TRHDE: variants seen among roughly 807,000 people sequenced by gnomAD.
The protein encoded by TRHDE is thyrotropin-releasing hormone-degrading ectoenzyme.
Under a neutral mutation model 125.7 loss-of-function variants are expected in TRHDE, and 72 were observed. That is an observed-to-expected ratio of 0.57 (90% CI 0.47 to 0.70). The LOEUF is 0.70. TRHDE is among the 30% of genes least tolerant of loss of function. TRHDE has a pLI of 0.00. For synonymous variants in TRHDE, 509 were observed against 509.1 expected (o/e 1.00, Z 0.00); for missense variants, 1,110 against 1,327.1 (o/e 0.84, Z 2.54).
chr12:72,163,438 A>G (rs1186511733), intron 2 of TRHDE, among the ~76,000 whole-genome samples: 18 of 152,224 alleles, frequency 1.2e-4, no homozygotes, highest in Non-Finnish European at 1.6e-4. Context: ...TCAGGCAACA[A>G]TTGCAATGTC....
chr12:72,092,972 T>C (rs1168000262), intron 1 of TRHDE, among the ~76,000 whole-genome samples: 2 of 152,222 alleles, frequency 1.3e-5, no homozygotes. Context: ...GGCTTTGAGA[T>C]TTATTAACCT....
At chr12:72,276,891 A>G (rs1047290439) in intron 1 of TRHDE, among the ~76,000 whole-genome samples, 5 of 152,220 alleles carry the variant, frequency 3.3e-5, no homozygotes, top group African/African-American at 1.2e-4. Context: ...CTCCGACAAA[A>G]GAGTATGCTT....
chr12:72,098,100 C>T (rs1874977932), intron 1 of TRHDE, among the ~76,000 whole-genome samples: 3 of 151,952 alleles, frequency 2.0e-5, no homozygotes, highest in African/African-American at 4.8e-5. Context: ...CCGGGCTTGT[C>T]TCAAACTCCT....
chr12:72,474,626 C>T (rs1005147590), intron 5 of TRHDE, among the ~76,000 whole-genome samples: 16 of 152,192 alleles, frequency 1.1e-4, no homozygotes, highest in African/African-American at 3.9e-4. Context: ...ATAGTATTCT[C>T]TTGCGTGTAT....
At chr12:72,382,632 C>A (rs1872237979) in intron 3 of TRHDE, among the ~76,000 whole-genome samples, 2 of 152,094 alleles carry the variant, frequency 1.3e-5, no homozygotes, top group South Asian at 4.1e-4. Flanking sequence ...AGACTCTCTA[C>A]CAGTTGGCCT....
intron 1 of TRHDE, among the ~76,000 whole-genome samples, chr12:72,098,616 C>T (rs1321302764): frequency 1.3e-5 from 2 of 152,172 alleles, no homozygotes; most frequent in African/African-American, 2.4e-5. Flanking sequence ...ATAGTCTAGG[C>T]TTCAAAAGGC....
Position 72,407,818 on chromosome 12 carries a change from C to T in TRHDE, c.1315+29697C>T, listed in dbSNP as rs186139548. ...GCACATTTCTTATAGATCTGGGAACCCCAAGGAATGAGAAGTAATTAGAAG... is the reference window on the plus strand; with the variant it reads ...GCACATTTCTTATAGATCTGGGAACTCCAAGGAATGAGAAGTAATTAGAAG... On this transcript the variant is annotated intron_variant, in intron 3 of 18. Transcript: ENST00000261180. Among the ~76,000 whole-genome samples, 5 of 152,176 alleles carry T rather than the reference C, an allele frequency of 3.3e-5. No individual in the cohort carries two copies. In the East Asian group the frequency reaches 9.6e-4, roughly 29 times the overall value.
chr12:72,124,959 T>C (rs1385803381), intron 2 of TRHDE, among the ~76,000 whole-genome samples: 1 of 152,202 alleles, frequency 6.6e-6, no homozygotes, highest in East Asian at 1.9e-4. Context: ...ATGAACTTTT[T>C]TCTTTTAAAG....
At chr12:72,544,670 A>T (rs1046189257) in intron 7 of TRHDE, among the ~76,000 whole-genome samples, 13 of 150,730 alleles carry the variant, frequency 8.6e-5, no homozygotes, top group Non-Finnish European at 1.6e-4. Flanking sequence ...TTGATTTATT[A>T]TCTACCTGAA....
intron 2 of TRHDE, among the ~76,000 whole-genome samples, chr12:72,231,957 C>T (rs1878255135): frequency 6.6e-6 from 1 of 152,146 alleles, no homozygotes; most frequent in Admixed American, 6.6e-5. Flanking sequence ...GAAAACTACC[C>T]CTATTTCTCT....
At chr12:72,623,465 G>A (rs527781152) in intron 15 of TRHDE, among the ~76,000 whole-genome samples, 3 of 152,142 alleles carry the variant, frequency 2.0e-5, no homozygotes, top group Non-Finnish European at 4.4e-5. Context: ...TAGAAATATA[G>A]CTGTTGGGGA....
At chr12:72,159,178 A>G (rs192874316) in intron 2 of TRHDE, among the ~76,000 whole-genome samples, 166 of 152,346 alleles carry the variant, frequency 1.1e-3, no homozygotes, top group Non-Finnish European at 1.9e-3. Flanking sequence ...CAACCAGGCA[A>G]ATATGGGTTT....
At chr12:72,371,841 G>T (rs1201128157) in intron 2 of TRHDE, among the ~76,000 whole-genome samples, 2 of 152,062 alleles carry the variant, frequency 1.3e-5, no homozygotes, top group African/African-American at 2.4e-5. Flanking sequence ...GAATAGTGCC[G>T]CAATAAACAT....
Position 72,144,309 on chromosome 12 carries a change from G to A in TRHDE, n.279+38557G>A, listed in dbSNP as rs986653324. 1.1e-4 allele frequency among the ~76,000 whole-genome samples: 16 copies of A among 152,312 alleles called. No homozygotes were observed. In the South Asian group the frequency reaches 1.7e-3, roughly 16 times the overall value. ...CTCTGCAATCCACCCATCCTTTAAC[G>A]TTCTGGCTGCTTTGTCTCTATTGGT... On this transcript the variant is annotated intron_variant and non_coding_transcript_variant, in intron 2 of 4. Transcript: ENST00000548156.
intron 2 of TRHDE, among the ~76,000 whole-genome samples, chr12:72,350,646 G>A (rs1870540363): frequency 1.3e-5 from 2 of 151,874 alleles, no homozygotes; most frequent in South Asian, 4.1e-4. Context: ...GATCTTCTAG[G>A]TACTGAACTC....
In TRHDE at chr12:72,138,880, C is replaced by T. The variant is rs570590832; in HGVS notation, n.279+33128C>T. Among the ~76,000 whole-genome samples the T allele has an allele frequency of 2.0e-5, 3 of 152,272 alleles. No individual in the cohort carries two copies. The East Asian group carries it at 5.8e-4, about 29-fold the overall frequency. On this transcript the variant is annotated intron_variant and non_coding_transcript_variant, in intron 2 of 4. Coordinates refer to the TRHDE transcript ENST00000548156. ...GGTCCCGAAACAGAGGGAGGGTGTC[C>T]TCAACACTTTTATGGTGAAGTTATG...
chr12:72,095,299 G>A (rs914144159), intron 1 of TRHDE, among the ~76,000 whole-genome samples: 1 of 152,170 alleles, frequency 6.6e-6, no homozygotes, highest in African/African-American at 2.4e-5. Flanking sequence ...TAGCATAAAG[G>A]TTGGAGCTGG....
chr12:72,213,191 G>T (rs1877818540), intron 2 of TRHDE, among the ~76,000 whole-genome samples: 1 of 152,088 alleles, frequency 6.6e-6, no homozygotes, highest in Non-Finnish European at 1.5e-5. Flanking sequence ...AGATGAGGGT[G>T]GGGGAGTGTA....
At chr12:72,089,000 AAT>A (rs1874730822) in intron 1 of TRHDE, among the ~76,000 whole-genome samples, 1 of 152,122 alleles carries the variant, frequency 6.6e-6, no homozygotes, top group Admixed American at 6.6e-5. Context: ...TCTCCAAATC[AAT>A]ATGTGCAAAA....
Sources: gnomAD v4.1 joint callset for allele counts (sites outside exome capture counted in the v4.1 genomes callset) on GRCh38, gnomAD v4.1.1 for gene constraint, MANE v1.5 for transcripts, NCBI Gene and HGNC (gene_info 2026-07-23, HGNC 2026-07-21) for gene names.